BTRC: variants seen among roughly 807,000 people sequenced by gnomAD.
BTRC encodes the protein F-box/WD repeat-containing protein 1A.
A neutral mutation model predicts 85.5 loss-of-function variants in BTRC; 42 were observed. The ratio of observed to expected loss-of-function variants is 0.49; its 90% CI spans 0.38 to 0.64. BTRC has a LOEUF of 0.64. Among genes scored for constraint, BTRC ranks in the 30% least tolerant of loss-of-function variants. BTRC has a pLI of 0.00. For synonymous variants in BTRC, 255 were observed against 263.3 expected (o/e 0.97, Z 0.30); for missense variants, 594 against 743.5 (o/e 0.80, Z 2.34).
rs368748175 is a variant in BTRC at position 101,434,887 on chromosome 10, G to C, written c.156+4435G>C. On this transcript the variant is annotated intron_variant, in intron 2 of 14. Transcript: ENST00000370187. The stretch of plus-strand genomic sequence containing the variant: ...TGTCTTCAGGTGATCTGCCCACCTC[G>C]GCCTCCTAAAGTCCTGGGATTACTG... 1.7e-4 allele frequency among the ~76,000 whole-genome samples: 26 copies of C among 151,688 alleles called. No individual in the cohort carries two copies. The East Asian group carries it at 4.9e-3, about 28-fold the overall frequency.
At chr10:101,486,789 T>C (rs879718395) in intron 4 of BTRC, among the ~76,000 whole-genome samples, 1 of 152,208 alleles carries the variant, frequency 6.6e-6, no homozygotes, top group Non-Finnish European at 1.5e-5. Flanking sequence ...ACATGAAATA[T>C]ATATTCTTTA....
At chr10:101,422,092 T>A (rs1171925176) in intron 1 of BTRC, among the ~76,000 whole-genome samples, 9 of 152,196 alleles carry the variant, frequency 5.9e-5, no homozygotes, top group Non-Finnish European at 1.2e-4. Flanking sequence ...CCACCAACAG[T>A]GTAAAAGTGT....
At chr10:101,397,470 C>A (rs1309965361) in intron 1 of BTRC, among the ~76,000 whole-genome samples, 1 of 152,202 alleles carries the variant, frequency 6.6e-6, no homozygotes, top group Non-Finnish European at 1.5e-5. Flanking sequence ...GTTGCTAGTA[C>A]CACCATGTGT....
chr10:101,544,941 CT>C (rs1271119392), intron 13 of BTRC, among the ~76,000 whole-genome samples: 1 of 151,674 alleles, frequency 6.6e-6, no homozygotes. Flanking sequence ...AGTGCAACAA[CT>C]TTTGGGTGGC....
At chr10:101,511,052 C>T (rs571885467) in intron 4 of BTRC, among the ~76,000 whole-genome samples, 3 of 152,336 alleles carry the variant, frequency 2.0e-5, no homozygotes, top group African/African-American at 7.2e-5. Context: ...AGGCACAAAT[C>T]AGACAATGCC....
intron 1 of BTRC, among the ~76,000 whole-genome samples, chr10:101,415,087 G>A (rs541241066): frequency 1.4e-4 from 21 of 152,166 alleles, no homozygotes; most frequent in African/African-American, 4.1e-4. Flanking sequence ...CACGTTTATT[G>A]ACCACTCATT....
intron 1 of BTRC, among the ~76,000 whole-genome samples, chr10:101,359,427 T>C (rs1024542109): frequency 1.3e-5 from 2 of 152,068 alleles, no homozygotes; most frequent in African/African-American, 4.8e-5. Context: ...TTGCCTATTT[T>C]CTTTTTTTTT....
intron 2 of BTRC, among the ~76,000 whole-genome samples, chr10:101,430,653 T>TC (rs1177194499): frequency 6.6e-6 from 1 of 152,202 alleles, no homozygotes; most frequent in African/African-American, 2.4e-5. Flanking sequence ...GACAATGTCA[T>TC]CATGATTGGT....
intron 1 of BTRC, among the ~76,000 whole-genome samples, chr10:101,389,115 G>GTTATTTTTT (rs1471017781): frequency 2.8e-5 from 1 of 35,462 alleles, no homozygotes; most frequent in Non-Finnish European, 4.9e-5. Flanking sequence ...GATTTTTTGT[G>GTTATTTTTT]TGTGTTTTTT....
In BTRC at chr10:101,476,134, A is replaced by G. The variant is rs1196038129; in HGVS notation, c.235-3234A>G. 2.6e-5 allele frequency among the ~76,000 whole-genome samples: 4 copies of G among 151,836 alleles called. No individual in the cohort carries two copies. The East Asian group carries it at 7.7e-4, about 29-fold the overall frequency. On this transcript the variant is annotated intron_variant, in intron 3 of 14. Transcript: ENST00000370187. ...CCAAAATAACCTCAATCTGATCATG[A>G]GAAAATATCAGACAAACCCAACTTG...
intron 1 of BTRC, among the ~76,000 whole-genome samples, chr10:101,370,505 A>C (rs531986228): frequency 6.6e-6 from 1 of 152,284 alleles, no homozygotes; most frequent in South Asian, 2.1e-4. Flanking sequence ...TGACAAAATG[A>C]GTAGAGGTTT....
At chr10:101,453,869 T>C (rs979887592) in intron 2 of BTRC, among the ~76,000 whole-genome samples, 1 of 152,162 alleles carries the variant, frequency 6.6e-6, no homozygotes, top group African/African-American at 2.4e-5. Context: ...TAATAAACAT[T>C]TGAGGCTTTG....
chr10:101,479,974 A>G (rs1945793196), intron 4 of BTRC, among the ~76,000 whole-genome samples: 1 of 152,172 alleles, frequency 6.6e-6, no homozygotes, highest in African/African-American at 2.4e-5. Flanking sequence ...TATATATGTC[A>G]TCTCTATAGC....
intron 13 of BTRC, among the ~76,000 whole-genome samples, chr10:101,547,865 A>C (rs1457603699): frequency 6.6e-6 from 1 of 152,212 alleles, no homozygotes; most frequent in Non-Finnish European, 1.5e-5. Flanking sequence ...GAAATCAATC[A>C]GTGTAATCCA....
intron 13 of BTRC, among the ~76,000 whole-genome samples, chr10:101,546,384 G>T (rs548563033): frequency 5.3e-5 from 8 of 152,242 alleles, no homozygotes; most frequent in African/African-American, 1.9e-4. Flanking sequence ...AGAAGAAATT[G>T]CAAGATAAAT....
At chr10:101,441,893 A>AAG (rs1029951923) in intron 2 of BTRC, among the ~76,000 whole-genome samples, 5 of 151,716 alleles carry the variant, frequency 3.3e-5, no homozygotes, top group Non-Finnish European at 5.9e-5. Context: ...AAAAAAAAAA[A>AAG]AAAAAAAGTG....
At chr10:101,355,972 A>G (rs1261496549) in intron 1 of BTRC, among the ~76,000 whole-genome samples, 5 of 152,224 alleles carry the variant, frequency 3.3e-5, no homozygotes, top group East Asian at 3.8e-4. Context: ...CACTTAAGTT[A>G]GAAAACTGTT....
At chr10:101,375,283 CCTTCT>C (rs1306165935) in intron 1 of BTRC, among the ~76,000 whole-genome samples, 2 of 151,950 alleles carry the variant, frequency 1.3e-5, no homozygotes, top group Non-Finnish European at 2.9e-5. Context: ...TCTCTTCCCC[CCTTCT>C]CTTCTTCCTG....
chr10:101,436,676 A>G (rs1944541684), intron 2 of BTRC, among the ~76,000 whole-genome samples: 1 of 147,168 alleles, frequency 6.8e-6, no homozygotes, highest in African/African-American at 2.5e-5. Context: ...ATAGATTTAT[A>G]TGGCCCTAGA....
Sources: gnomAD v4.1 joint callset for allele counts (sites outside exome capture counted in the v4.1 genomes callset) on GRCh38, gnomAD v4.1.1 for gene constraint, MANE v1.5 for transcripts, NCBI Gene and HGNC (gene_info 2026-07-23, HGNC 2026-07-21) for gene names.